FSTL5: variants seen among roughly 807,000 people sequenced by gnomAD.
FSTL5 encodes follistatin like 5, also known as follistatin-related protein 5.
FSTL5 carries 62 observed loss-of-function variants against 89.1 expected under a neutral mutation model. The ratio of observed to expected loss-of-function variants is 0.70; its 90% CI spans 0.57 to 0.86. The LOEUF is 0.86. Among genes scored for constraint, FSTL5 ranks in the 40% least tolerant of loss-of-function variants. FSTL5 has a pLI of 0.00. For missense variants in FSTL5, 1,057 were observed against 1,001.6 expected (o/e 1.06, Z -0.75); for synonymous variants, 383 against 346.2 (o/e 1.11, Z -1.18).
intron 5 of FSTL5, among the ~76,000 whole-genome samples, chr4:161,770,853 A>AT (rs954309271): frequency 2.0e-4 from 30 of 151,882 alleles, no homozygotes; most frequent in Admixed American, 3.3e-4. Flanking sequence ...ATCTGGGGGG[A>AT]TACAGCCCAA....
intron 3 of FSTL5, 63 bp downstream of exon 3, chr4:162,033,562 C>A: frequency 1.2e-6 from 1 of 815,934 alleles, no homozygotes; most frequent in Non-Finnish European, 1.9e-6. Context: ...AGTAGCATCA[C>A]ATATCTTTTT....
chr4:161,979,201 C>A (rs957473395), intron 3 of FSTL5, among the ~76,000 whole-genome samples: 1 of 152,072 alleles, frequency 6.6e-6, no homozygotes, highest in African/African-American at 2.4e-5. Flanking sequence ...CTTTTGGACT[C>A]TTTCCTTTCA....
intron 13 of FSTL5, 51 bp from the exon 14 acceptor site, chr4:161,459,370 A>G (rs1296947251): frequency 9.0e-7 from 1 of 1,106,162 alleles, no homozygotes; most frequent in Non-Finnish European, 1.3e-6. Context: ...CTATTAGTTT[A>G]AAGCTAGGCC....
intron 8 of FSTL5, among the ~76,000 whole-genome samples, chr4:161,554,870 T>C (rs1343985950): frequency 6.6e-6 from 1 of 151,690 alleles, no homozygotes. Flanking sequence ...AACTTTCCTA[T>C]GAAAAATTAC....
intron 4 of FSTL5, among the ~76,000 whole-genome samples, chr4:161,797,855 G>T (rs188495570): frequency 2.0e-4 from 30 of 151,644 alleles, no homozygotes; most frequent in East Asian, 1.4e-3. Context: ...ATATGTGAAA[G>T]AAATGCAAAA....
At chr4:162,034,354 A>C (rs542645551) in intron 2 of FSTL5, among the ~76,000 whole-genome samples, 1 of 152,272 alleles carries the variant, frequency 6.6e-6, no homozygotes, top group Admixed American at 6.5e-5. Context: ...GTTTAGGCAC[A>C]AACATCGGGG....
At chr4:161,653,673 CATAA>C in intron 7 of FSTL5, among the ~76,000 whole-genome samples, 1 of 152,166 alleles carries the variant, frequency 6.6e-6, no homozygotes, top group Non-Finnish European at 1.5e-5. Context: ...AAATTTTAAG[CATAA>C]ATAAGTATCA....
chr4:162,055,516 G>A (rs1388739323), intron 2 of FSTL5, among the ~76,000 whole-genome samples: 2 of 117,900 alleles, frequency 1.7e-5, no homozygotes, highest in South Asian at 3.1e-4. Context: ...ATAGATGATA[G>A]ATAGAGGATG....
intron 2 of FSTL5, among the ~76,000 whole-genome samples, chr4:162,034,785 A>G (rs1282702547): frequency 6.6e-6 from 1 of 152,182 alleles, no homozygotes; most frequent in Non-Finnish European, 1.5e-5. Flanking sequence ...ATTTTGCTGC[A>G]AAAATTAATC....
chr4:161,921,568 A>G (rs1200153115), intron 3 of FSTL5, among the ~76,000 whole-genome samples: 6 of 152,156 alleles, frequency 3.9e-5, no homozygotes, highest in African/African-American at 1.4e-4. Flanking sequence ...TTTAGCATCA[A>G]TGACACTTAT....
chr4:162,111,526 C>A, intron 1 of FSTL5, 114 bp from the exon 2 acceptor site: 1 of 721,568 alleles, frequency 1.4e-6, no homozygotes, highest in South Asian at 2.9e-5. Flanking sequence ...TCAAAACTTG[C>A]TGGTAGTTGC....
At chr4:161,936,778 A>G (rs1312654446) in intron 3 of FSTL5, among the ~76,000 whole-genome samples, 1 of 152,164 alleles carries the variant, frequency 6.6e-6, no homozygotes, top group African/African-American at 2.4e-5. Context: ...CGCAAGCTGA[A>G]TGCCATAAAA....
At position 162,008,130 on chromosome 4, in the gene FSTL5, A is replaced by G. The variant is rs143384342; in HGVS notation, c.160+25495T>C. Among the ~76,000 whole-genome samples, 1,061 of 152,002 alleles carry G rather than the reference A, an allele frequency of 7.0e-3. 10 individuals carry two copies. The highest frequency in any genetic ancestry group is 0.024 in the African/African-American group (1,014 of 41,552). On this transcript the variant is annotated intron_variant, in intron 3 of 15. Transcript: ENST00000306100. ...AATTGTATATAAATGGAAAGTTGCTATATGTATATTGCTGGACATTATGAA... is the reference window on the plus strand; with the variant it reads ...AATTGTATATAAATGGAAAGTTGCTGTATGTATATTGCTGGACATTATGAA...
chr4:162,094,930 A>C (rs1730690603), intron 2 of FSTL5, among the ~76,000 whole-genome samples: 1 of 152,098 alleles, frequency 6.6e-6, no homozygotes, highest in Admixed American at 6.6e-5. Context: ...TTCAATTAAA[A>C]CTTAAAAATT....
intron 15 of FSTL5, among the ~76,000 whole-genome samples, chr4:161,397,019 G>A (rs1479193705): frequency 6.6e-6 from 1 of 152,118 alleles, no homozygotes; most frequent in African/African-American, 2.4e-5. Flanking sequence ...TCTTAAGGAT[G>A]GGAGTAGCAC....
intron 3 of FSTL5, among the ~76,000 whole-genome samples, chr4:161,954,627 C>G (rs566459661): frequency 6.6e-6 from 1 of 151,650 alleles, no homozygotes; most frequent in African/African-American, 2.4e-5. Context: ...ACCTATCTGT[C>G]TATCATCTAT....
At chr4:161,987,053 A>G (rs1200193264) in intron 3 of FSTL5, among the ~76,000 whole-genome samples, 4 of 152,096 alleles carry the variant, frequency 2.6e-5, no homozygotes, top group African/African-American at 9.6e-5. Context: ...TTTCCCCTAA[A>G]TCTATAGTAG....
At position 161,895,138 on chromosome 4, in the gene FSTL5, C is replaced by T. The variant is rs546714760; in HGVS notation, c.409+25266G>A. Among the ~76,000 whole-genome samples the T allele has an allele frequency of 3.9e-5, 6 of 152,274 alleles. No homozygotes were observed. In the South Asian group the frequency reaches 1.2e-3, roughly 32 times the overall value. ...GGATAACTTGCCCAAAGTCTCACAG[C>T]TAATAAGTAGCAGGAACACAATAAC... On this transcript the variant is annotated intron_variant, in intron 4 of 15. Coordinates refer to ENST00000306100, the MANE Select transcript of FSTL5 (RefSeq NM_020116.5).
rs58141609 is a variant in FSTL5 at position 161,633,642 on chromosome 4, G to A, written c.894+22686C>T. Among the ~76,000 whole-genome samples, 814 of 152,194 alleles carry A rather than the reference G, an allele frequency of 5.3e-3. 7 individuals are homozygous for A. The highest frequency in any genetic ancestry group is 0.018 in the African/African-American group (762 of 41,538). On this transcript the variant is annotated intron_variant, in intron 7 of 15. Transcript: ENST00000306100. ...TTACAGATGTGAACCACCGCACCCA[G>A]CCTAGCTTCCCCTTTTATTCAGTTA...
Sources: gnomAD v4.1 joint callset for allele counts (sites outside exome capture counted in the v4.1 genomes callset) on GRCh38, gnomAD v4.1.1 for gene constraint, MANE v1.5 for transcripts, NCBI Gene and HGNC (gene_info 2026-07-23, HGNC 2026-07-21) for gene names.